The following GRID1 variants were observed in gnomAD, a reference collection of about 807,000 sequenced individuals.
GRID1 encodes glutamate ionotropic receptor delta type subunit 1.
GRID1 carries 28 observed loss-of-function variants against 98.0 expected under a neutral mutation model. The ratio of observed to expected loss-of-function variants is 0.29; its 90% CI spans 0.21 to 0.39. The LOEUF (loss-of-function observed/expected upper bound fraction) is 0.39. Ranked by LOEUF, GRID1 falls within the 10% of genes least tolerant of loss-of-function variation. GRID1 has a pLI of 1.00. For synonymous variants in GRID1, 553 were observed against 538.5 expected, an observed-to-expected ratio of 1.03 and a Z score of -0.37; for missense variants, 1,111 against 1,340.5, an observed-to-expected ratio of 0.83 and a Z score of 2.67.
intron 12 of GRID1, among the ~76,000 whole-genome samples, chr10:85,661,257 C>G (rs1189514553): frequency 6.6e-6 from 1 of 151,936 alleles, no homozygotes; most frequent in African/African-American, 2.4e-5. Context: ...ACATTCTCTG[C>G]TTAGCCCTGT....
At chr10:85,978,546 G>A (rs962464489) in intron 4 of GRID1, among the ~76,000 whole-genome samples, 3 of 152,116 alleles carry the variant, frequency 2.0e-5, no homozygotes, top group African/African-American at 7.2e-5. Context: ...CCAGGAAGGA[G>A]GAAGCAGACA....
intron 4 of GRID1, among the ~76,000 whole-genome samples, chr10:86,119,117 T>C (rs536135482): frequency 6.6e-6 from 1 of 152,264 alleles, no homozygotes; most frequent in African/African-American, 2.4e-5. Context: ...AGTGGATCAC[T>C]TGAGCTCAGG....
intron 2 of GRID1, among the ~76,000 whole-genome samples, chr10:86,227,388 G>C (rs1014529900): frequency 6.6e-6 from 1 of 152,152 alleles, no homozygotes; most frequent in African/African-American, 2.4e-5. Flanking sequence ...GTGGGGGGCT[G>C]CAGCCCCAGC....
chr10:85,675,755 G>T (rs1036812135), intron 12 of GRID1, among the ~76,000 whole-genome samples: 3 of 152,212 alleles, frequency 2.0e-5, no homozygotes, highest in African/African-American at 4.8e-5. Context: ...GCAGCCTGGT[G>T]TGACATTAAC....
intron 8 of GRID1, among the ~76,000 whole-genome samples, chr10:85,822,437 A>T (rs1842781465): frequency 6.6e-6 from 1 of 152,230 alleles, no homozygotes; most frequent in African/African-American, 2.4e-5. Flanking sequence ...ACATGAAAAA[A>T]TGCTCATCAT....
intron 5 of GRID1, among the ~76,000 whole-genome samples, chr10:85,882,538 C>T (rs1039895191): frequency 2.6e-5 from 4 of 152,008 alleles, no homozygotes; most frequent in Non-Finnish European, 4.4e-5. Context: ...AACCAAACAC[C>T]GCATGTTCTC....
chr10:86,364,692 G>A (rs1243894310), intron 1 of GRID1, among the ~76,000 whole-genome samples: 4 of 152,236 alleles, frequency 2.6e-5, no homozygotes, highest in Admixed American at 6.5e-5. Context: ...CCGGCCTGGC[G>A]CCCTGAGCTC....
chr10:86,140,311 G>C (rs1442659267), intron 3 of GRID1, among the ~76,000 whole-genome samples: 1 of 152,208 alleles, frequency 6.6e-6, no homozygotes, highest in South Asian at 2.1e-4. Flanking sequence ...CCACAGGCAC[G>C]GCCTGGCCCA....
At chr10:86,099,568 A>T (rs1844266372) in intron 4 of GRID1, among the ~76,000 whole-genome samples, 1 of 152,140 alleles carries the variant, frequency 6.6e-6, no homozygotes, top group Admixed American at 6.5e-5. Context: ...ATTGGAGCAC[A>T]GTCTGGCTCC....
At chr10:86,279,577 C>T (rs1005247169) in intron 2 of GRID1, among the ~76,000 whole-genome samples, 2 of 152,160 alleles carry the variant, frequency 1.3e-5, no homozygotes, top group East Asian at 3.9e-4. Flanking sequence ...AAATTCTCAG[C>T]AAACTAGGCA....
chr10:85,619,994 C>T lies in GRID1; in HGVS notation c.2233G>A (p.Val745Met), dbSNP rs747770345. The T allele has an allele frequency of 1.7e-5, 27 of 1,614,088 alleles. No homozygotes were observed. The highest frequency in any genetic ancestry group is 1.7e-4 in the Middle Eastern group (1 of 6,058). Residue 745 changes from valine to methionine, a missense_variant, in exon 14 of 16, where the codon GTG (valine) becomes ATG (methionine). Val to Met is a conservative substitution (Grantham distance 21). Transcript: ENST00000327946. ...TCCGTCAGGGCTGCGTATTCCACCA[C>T]GGCCACATCCCACAGGAAGGCGTAG... ...GNYAFLWDVA[V>M]VEYAALTDDD...
Position 86,138,872 on chromosome 10 carries a change from G to T in GRID1, c.673C>A (p.Arg225Ser). The change falls in exon 4 of 16, where the codon CGC becomes AGC. Residue 225 changes from arginine to serine, a missense_variant. Physicochemically the swap from Arg to Ser is moderately radical, Grantham distance 110. This residue lies in a region of GRID1 where 346 missense variants were observed against 452.3 expected (regional missense o/e 0.76). Coordinates refer to ENST00000327946, the MANE Select transcript of GRID1 (RefSeq NM_017551.3). ...EELNRYRDTL[R>S]RAILLLSPQG... ...GGGCTGAGCAGCAGGATGGCGCGGC[G>T]AAGCGTGTCCCGGTAGCGATTCAGC... 6.2e-7 allele frequency: 1 copy of T among 1,614,214 alleles called. No homozygotes were observed.
intron 4 of GRID1, among the ~76,000 whole-genome samples, chr10:85,944,968 C>A (rs537823629): frequency 1.3e-5 from 2 of 152,136 alleles, no homozygotes; most frequent in African/African-American, 2.4e-5. Context: ...TATACAGTGG[C>A]CCTCCTAAAG....
chr10:85,855,784 C>G (rs1316425714), intron 7 of GRID1, among the ~76,000 whole-genome samples: 1 of 152,212 alleles, frequency 6.6e-6, no homozygotes, highest in East Asian at 1.9e-4. Context: ...GGGCAAGTTG[C>G]TTAACCTCTC....
chr10:85,785,080 T>A (rs1457946212), intron 8 of GRID1, among the ~76,000 whole-genome samples: 2 of 152,208 alleles, frequency 1.3e-5, no homozygotes, highest in East Asian at 3.9e-4. Flanking sequence ...AGTCATTTGA[T>A]CTGGGGCCTG....
At chr10:86,310,662 C>A (rs1361270191) in intron 2 of GRID1, among the ~76,000 whole-genome samples, 2 of 152,168 alleles carry the variant, frequency 1.3e-5, no homozygotes, top group African/African-American at 2.4e-5. Flanking sequence ...GATGGAGACT[C>A]CAGAAAAGGC....
chr10:86,169,776 T>C (rs1845455139), intron 3 of GRID1, among the ~76,000 whole-genome samples: 1 of 152,222 alleles, frequency 6.6e-6, no homozygotes, highest in South Asian at 2.1e-4. Flanking sequence ...GGCAAAGCCC[T>C]GCCATGGCCT....
intron 4 of GRID1, among the ~76,000 whole-genome samples, chr10:86,028,341 T>C (rs985265582): frequency 1.3e-5 from 2 of 152,144 alleles, no homozygotes; most frequent in African/African-American, 4.8e-5. Flanking sequence ...GAATTTTATA[T>C]ACTCATCAAG....
chr10:85,894,603 A>G (rs190296532), intron 5 of GRID1, among the ~76,000 whole-genome samples: 4 of 152,308 alleles, frequency 2.6e-5, no homozygotes, highest in Admixed American at 2.6e-4. Context: ...CGTACTTATC[A>G]GATTGTGCAG....
Sources: gnomAD v4.1 joint callset for allele counts (sites outside exome capture counted in the v4.1 genomes callset) on GRCh38, gnomAD v4.1.1 for gene constraint, gnomAD v4.1.1 regional missense constraint, MANE v1.5 for transcripts, NCBI Gene and HGNC (gene_info 2026-07-23, HGNC 2026-07-21) for gene names.